ATXN1: variants seen among roughly 807,000 people sequenced by gnomAD.
ATXN1 encodes ataxin-1.
ATXN1 carries 8 observed loss-of-function variants against 56.4 expected under a neutral mutation model. That is an observed-to-expected ratio of 0.14 (90% CI 0.08 to 0.26). ATXN1 has a LOEUF of 0.26. ATXN1 is among the 10% of genes least tolerant of loss of function. ATXN1 has a pLI of 1.00. For missense variants in ATXN1, 987 were observed against 1,106.5 expected (o/e 0.89, Z 1.53); for synonymous variants, 514 against 494.6 (o/e 1.04, Z -0.52).
chr6:16,420,981 G>A (rs1759020704), intron 6 of ATXN1, among the ~76,000 whole-genome samples: 2 of 152,194 alleles, frequency 1.3e-5, no homozygotes, highest in African/African-American at 4.8e-5. Context: ...TGACTTACAT[G>A]TGATACACAC....
chr6:16,466,288 A>C (rs1047909744), intron 6 of ATXN1, among the ~76,000 whole-genome samples: 2 of 131,728 alleles, frequency 1.5e-5, no homozygotes, highest in Non-Finnish European at 3.1e-5. Flanking sequence ...ACTGCACTCC[A>C]GTCTGGGTGA....
chr6:16,312,820 T>C (rs535377300), intron 7 of ATXN1, among the ~76,000 whole-genome samples: 1 of 151,632 alleles, frequency 6.6e-6, no homozygotes, highest in South Asian at 2.1e-4. Flanking sequence ...TCTCCCCCCA[T>C]ACCCCCCTCC....
chr6:16,379,124 A>T (rs2113502740), intron 6 of ATXN1, among the ~76,000 whole-genome samples: 1 of 152,350 alleles, frequency 6.6e-6, no homozygotes, highest in East Asian at 1.9e-4. Flanking sequence ...CCTGGATGAG[A>T]TTGGAGACTA....
chr6:16,484,890 A>G (rs1304218379), intron 6 of ATXN1, among the ~76,000 whole-genome samples: 1 of 151,658 alleles, frequency 6.6e-6, no homozygotes, highest in African/African-American at 2.4e-5. Flanking sequence ...AAAAATAGGT[A>G]ATACATGTTC....
At chr6:16,618,437 CA>C (rs1358156654) in intron 3 of ATXN1, among the ~76,000 whole-genome samples, 1 of 152,114 alleles carries the variant, frequency 6.6e-6, no homozygotes, top group Non-Finnish European at 1.5e-5. Flanking sequence ...ACAAACAAAA[CA>C]AAAGAATTCA....
chr6:16,593,841 G>T (rs1021802731), intron 3 of ATXN1, among the ~76,000 whole-genome samples: 1 of 78,640 alleles, frequency 1.3e-5, no homozygotes, highest in Non-Finnish European at 2.5e-5. Flanking sequence ...ATGTATGTAC[G>T]TGTATATGTG....
chr6:16,736,566 A>G (rs1349019418), intron 2 of ATXN1, among the ~76,000 whole-genome samples: 1 of 152,236 alleles, frequency 6.6e-6, no homozygotes. Context: ...CCAAAACTGA[A>G]TATATTTTAT....
Position 16,626,696 on chromosome 6 carries a change from A to G in ATXN1, c.-489+31080T>C, listed in dbSNP as rs1386121104. Among the ~76,000 whole-genome samples, 4 of 152,236 alleles carry G rather than the reference A, an allele frequency of 2.6e-5. No homozygotes were observed. The East Asian group carries it at 7.7e-4, about 29-fold the overall frequency. On this transcript the variant is annotated intron_variant, in intron 3 of 7. Coordinates refer to ENST00000436367, the MANE Select transcript of ATXN1 (RefSeq NM_001128164.2). ...ACAACCACTCAAAATTCATGTGTTG[A>G]AGCCCTAACTTCCAGTTTCTCAGAA...
intron 2 of ATXN1, among the ~76,000 whole-genome samples, chr6:16,730,533 A>C (rs1759952213): frequency 6.8e-6 from 1 of 147,976 alleles, no homozygotes; most frequent in East Asian, 1.9e-4. Flanking sequence ...ATATAATGTA[A>C]TATAAAATAT....
intron 6 of ATXN1, among the ~76,000 whole-genome samples, chr6:16,480,783 C>T (rs759400093): frequency 1.3e-5 from 2 of 152,134 alleles, no homozygotes; most frequent in African/African-American, 2.4e-5. Flanking sequence ...CCTTCCACAA[C>T]GTCTGGGTGT....
intron 6 of ATXN1, among the ~76,000 whole-genome samples, chr6:16,481,539 C>G (rs1163224797): frequency 6.6e-6 from 1 of 152,098 alleles, no homozygotes; most frequent in Non-Finnish European, 1.5e-5. Flanking sequence ...TAAAGTAATG[C>G]CTGCACTCAG....
chr6:16,480,097 A>C (rs1760404359), intron 6 of ATXN1, among the ~76,000 whole-genome samples: 2 of 133,488 alleles, frequency 1.5e-5, no homozygotes, highest in Admixed American at 8.5e-5. Context: ...GGTTGCAGTG[A>C]GTTAAGATCG....
At chr6:16,704,404 G>A (rs1427228225) in intron 2 of ATXN1, among the ~76,000 whole-genome samples, 1 of 152,066 alleles carries the variant, frequency 6.6e-6, no homozygotes, top group Non-Finnish European at 1.5e-5. Flanking sequence ...CTCCTGCGAG[G>A]CGCTCCCTCT....
intron 6 of ATXN1, among the ~76,000 whole-genome samples, chr6:16,404,603 T>TA (rs1268045660): frequency 2.6e-5 from 4 of 152,238 alleles, no homozygotes; most frequent in African/African-American, 9.6e-5. Flanking sequence ...GTCTGCCTGG[T>TA]AAAGTCTTTC....
chr6:16,390,477 G>A (rs1301458700), intron 6 of ATXN1, among the ~76,000 whole-genome samples: 1 of 152,092 alleles, frequency 6.6e-6, no homozygotes, highest in Non-Finnish European at 1.5e-5. Context: ...TAGATGAACA[G>A]TGGCCTTCTC....
intron 6 of ATXN1, among the ~76,000 whole-genome samples, chr6:16,471,207 C>T (rs1760210427): frequency 6.6e-6 from 1 of 151,972 alleles, no homozygotes; most frequent in South Asian, 2.1e-4. Flanking sequence ...CACACACACA[C>T]ACACACACAC....
chr6:16,561,251 C>A (rs1391879673), intron 4 of ATXN1, among the ~76,000 whole-genome samples: 2 of 152,052 alleles, frequency 1.3e-5, no homozygotes, highest in Non-Finnish European at 2.9e-5. Flanking sequence ...TGCTATTTTC[C>A]AAGCTTGAGA....
intron 5 of ATXN1, among the ~76,000 whole-genome samples, chr6:16,513,433 A>G (rs1209912829): frequency 6.6e-6 from 1 of 152,228 alleles, no homozygotes; most frequent in African/African-American, 2.4e-5. Flanking sequence ...TGGGGAACAG[A>G]ACATTACTGT....
At chr6:16,337,923 C>A (rs1189692376) in intron 6 of ATXN1, among the ~76,000 whole-genome samples, 2 of 152,170 alleles carry the variant, frequency 1.3e-5, no homozygotes, top group Admixed American at 1.3e-4. Flanking sequence ...AGGATGAGAA[C>A]CTGTCACTTT....
Sources: allele counts gnomAD v4.1 joint callset (sites outside exome capture counted in the v4.1 genomes callset), GRCh38; gene constraint gnomAD v4.1.1; transcripts MANE v1.5; gene names NCBI Gene and HGNC (gene_info 2026-07-23, HGNC 2026-07-21).